ZCCHC7: variants seen among roughly 807,000 people sequenced by gnomAD.
ZCCHC7 encodes the protein zinc finger CCHC domain-containing protein 7.
In ZCCHC7, 35 loss-of-function variants were observed where a neutral mutation model predicts 52.0. That is an observed-to-expected ratio of 0.67 (90% CI 0.51 to 0.89). The LOEUF (loss-of-function observed/expected upper bound fraction) is 0.89. ZCCHC7 is among the 40% of genes least tolerant of loss of function. The pLI is 0.00. For synonymous variants in ZCCHC7, 217 were observed against 221.5 expected (o/e 0.98, Z 0.18); for missense variants, 574 against 649.1 (o/e 0.88, Z 1.26).
At chr9:37,211,533 A>T (rs571913456) in intron 2 of ZCCHC7, among the ~76,000 whole-genome samples, 59 of 152,218 alleles carry the variant, frequency 3.9e-4, no homozygotes, top group African/African-American at 1.3e-3. Context: ...AATGCAGATA[A>T]GTAGTATGTT....
intron 2 of ZCCHC7, among the ~76,000 whole-genome samples, chr9:37,218,296 G>A (rs937798401): frequency 2.0e-5 from 3 of 152,178 alleles, no homozygotes; most frequent in African/African-American, 7.2e-5. Context: ...GGCCTTATCA[G>A]AAGTTATGAA....
chr9:37,191,565 A>G (rs1020955012), intron 2 of ZCCHC7, among the ~76,000 whole-genome samples: 1 of 152,124 alleles, frequency 6.6e-6, no homozygotes, highest in Non-Finnish European at 1.5e-5. Flanking sequence ...TCTGATTGAG[A>G]GACTAATCCC....
chr9:37,153,257 G>A lies in ZCCHC7; in HGVS notation c.610+26315G>A, dbSNP rs555569556. 1.5e-3 allele frequency among the ~76,000 whole-genome samples: 226 copies of A among 150,716 alleles called. 1 individual carries two copies. Among genetic ancestry groups the A allele is most frequent in the African/African-American group, 4.4e-3 (180 of 40,946 alleles). ...GTGATCTCGGTTCACTGCAACCTCC[G>A]CCTCCCAGGTTCAAGCAATTCTCCT... On this transcript the variant is annotated intron_variant, in intron 2 of 8. Coordinates refer to ENST00000336755, the MANE Select transcript of ZCCHC7 (RefSeq NM_032226.3).
intron 2 of ZCCHC7, among the ~76,000 whole-genome samples, chr9:37,230,489 G>T (rs1825345808): frequency 6.6e-6 from 1 of 152,018 alleles, no homozygotes; most frequent in African/African-American, 2.4e-5. Flanking sequence ...CTTTTGTTGG[G>T]AAAAAATGTG....
intron 2 of ZCCHC7, among the ~76,000 whole-genome samples, chr9:37,165,006 A>G (rs1384003881): frequency 1.3e-5 from 2 of 152,246 alleles, no homozygotes; most frequent in African/African-American, 4.8e-5. Context: ...TGAACACGGT[A>G]TATCTGTCTA....
intron 1 of ZCCHC7, among the ~76,000 whole-genome samples, chr9:37,123,893 A>T (rs564743904): frequency 6.6e-6 from 1 of 152,342 alleles, no homozygotes; most frequent in Non-Finnish European, 1.5e-5. Context: ...TGTGACAGTA[A>T]CAGCATAGCC....
At chr9:37,235,738 C>A (rs905838336) in intron 2 of ZCCHC7, among the ~76,000 whole-genome samples, 1 of 151,726 alleles carries the variant, frequency 6.6e-6, no homozygotes, top group Non-Finnish European at 1.5e-5. Flanking sequence ...TACAGGCACA[C>A]ACCACCATGC....
chr9:37,335,371 G>A (rs1830605006), intron 6 of ZCCHC7, among the ~76,000 whole-genome samples: 1 of 152,066 alleles, frequency 6.6e-6, no homozygotes, highest in South Asian at 2.1e-4. Flanking sequence ...CTTTGGGATT[G>A]GACTGTGGTT....
intron 2 of ZCCHC7, among the ~76,000 whole-genome samples, chr9:37,173,537 C>G (rs1300753799): frequency 1.3e-5 from 2 of 152,156 alleles, no homozygotes; most frequent in African/African-American, 4.8e-5. Flanking sequence ...TATAAAACTT[C>G]AGTTAGATTC....
At chr9:37,206,489 C>G (rs1202015083) in intron 2 of ZCCHC7, among the ~76,000 whole-genome samples, 1 of 152,012 alleles carries the variant, frequency 6.6e-6, no homozygotes, top group African/African-American at 2.4e-5. Flanking sequence ...GTAGCTGGGA[C>G]TACAAGTATG....
intron 2 of ZCCHC7, among the ~76,000 whole-genome samples, chr9:37,229,623 A>G (rs184559310): frequency 6.6e-6 from 1 of 152,354 alleles, no homozygotes; most frequent in East Asian, 1.9e-4. Context: ...AGCACTTACT[A>G]TGAATGGAGC....
chr9:37,355,979 G>C (rs137871246), intron 8 of ZCCHC7, among the ~76,000 whole-genome samples: 145 of 148,968 alleles, frequency 9.7e-4, no homozygotes, highest in African/African-American at 3.5e-3. Flanking sequence ...GTTTTTTCCA[G>C]GTTTTCTATA....
chr9:37,260,673 G>C lies in ZCCHC7; in HGVS notation c.611-41515G>C, dbSNP rs546203239. ...AAGATGAACTATTTGACCTTAATGG[G>C]ACCTATATAGTTGTTAGGGGCAGAG... On this transcript the variant is annotated intron_variant, in intron 2 of 8. Transcript: ENST00000336755. 9.6e-4 allele frequency among the ~76,000 whole-genome samples: 146 copies of C among 152,260 alleles called. 1 individual carries two copies. Among genetic ancestry groups the C allele is most frequent in the South Asian group, 7.5e-3 (36 of 4,824 alleles).
At chr9:37,336,330 A>G (rs534375176) in intron 6 of ZCCHC7, among the ~76,000 whole-genome samples, 1 of 152,182 alleles carries the variant, frequency 6.6e-6, no homozygotes, top group Non-Finnish European at 1.5e-5. Flanking sequence ...TTCCTATTTC[A>G]TGTTTGTTCC....
intron 2 of ZCCHC7, among the ~76,000 whole-genome samples, chr9:37,148,436 A>T (rs1843536387): frequency 6.6e-6 from 1 of 152,176 alleles, no homozygotes. Context: ...GAGGAACAAC[A>T]GACTTTTAAA....
intron 2 of ZCCHC7, among the ~76,000 whole-genome samples, chr9:37,246,659 G>T (rs1012885362): frequency 1.2e-4 from 18 of 151,982 alleles, no homozygotes; most frequent in Non-Finnish European, 2.5e-4. Context: ...AAAGTTGTAC[G>T]TATTTAACAT....
At chr9:37,152,883 C>G (rs1047775649) in intron 2 of ZCCHC7, among the ~76,000 whole-genome samples, 1 of 152,138 alleles carries the variant, frequency 6.6e-6, no homozygotes, top group Non-Finnish European at 1.5e-5. Flanking sequence ...TTATGCTCTA[C>G]CTTCTTGAGG....
intron 2 of ZCCHC7, among the ~76,000 whole-genome samples, chr9:37,143,212 G>T (rs1014085004): frequency 1.3e-5 from 2 of 151,234 alleles, no homozygotes; most frequent in African/African-American, 4.9e-5. Flanking sequence ...TTTTCTTTTG[G>T]CAGTGGGTGG....
chr9:37,319,713 A>G (rs1020389245), intron 5 of ZCCHC7, among the ~76,000 whole-genome samples: 2 of 152,150 alleles, frequency 1.3e-5, no homozygotes, highest in African/African-American at 4.8e-5. Flanking sequence ...ATGAGCCACC[A>G]TGGCCAGCCA....
Sources: gnomAD v4.1 joint callset for allele counts (sites outside exome capture counted in the v4.1 genomes callset) on GRCh38, gnomAD v4.1.1 for gene constraint, MANE v1.5 for transcripts, NCBI Gene and HGNC (gene_info 2026-07-23, HGNC 2026-07-21) for gene names.